The following RHOBTB3 variants were observed in gnomAD, a reference collection of about 807,000 sequenced individuals.
RHOBTB3 encodes Rho related BTB domain containing 3, also known as rho-related BTB domain-containing protein 3.
RHOBTB3 carries 47 observed loss-of-function variants against 67.2 expected under a neutral mutation model. The observed-to-expected ratio is 0.70, with a 90% CI of 0.55 to 0.89. The LOEUF is 0.89. RHOBTB3 is among the 40% of genes least tolerant of loss of function. The pLI, the probability that RHOBTB3 is intolerant of heterozygous loss-of-function variation, is 0.00. For missense variants in RHOBTB3, 631 were observed against 750.0 expected (o/e 0.84, Z 1.85); for synonymous variants, 273 against 274.2 (o/e 1.00, Z 0.04).
At chr5:95,735,090 C>T (rs1278677103) in intron 2 of RHOBTB3, among the ~76,000 whole-genome samples, 2 of 152,164 alleles carry the variant, frequency 1.3e-5, no homozygotes, top group Admixed American at 1.3e-4. Flanking sequence ...AACGCTGTAA[C>T]AGATGCAGTT....
At chr5:95,738,313 CAT>C (rs1755506865) in intron 3 of RHOBTB3, among the ~76,000 whole-genome samples, 1 of 152,066 alleles carries the variant, frequency 6.6e-6, no homozygotes, top group African/African-American at 2.4e-5. Context: ...TTCCTGAGTC[CAT>C]TTCCTATTCA....
intron 4 of RHOBTB3, among the ~76,000 whole-genome samples, chr5:95,749,895 C>T (rs1745039746): frequency 6.6e-5 from 10 of 152,200 alleles, no homozygotes; most frequent in Admixed American, 6.5e-4. Context: ...TCTCTCCTCT[C>T]TTTCTCTTCT....
chr5:95,774,091 ATGTC>A (rs1745798958), intron 8 of RHOBTB3, among the ~76,000 whole-genome samples: 1 of 152,202 alleles, frequency 6.6e-6, no homozygotes, highest in African/African-American at 2.4e-5. Context: ...CTTATAGAAA[ATGTC>A]TGTTTTGTTC....
At chr5:95,768,239 G>T (rs949362299) in intron 8 of RHOBTB3, 73 bp downstream of exon 8, 51 of 1,423,382 alleles carry the variant, frequency 3.6e-5, no homozygotes, top group South Asian at 2.0e-4. Flanking sequence ...TCTACTTCAG[G>T]TTTGAATGTT....
At chr5:95,770,751 G>A in intron 8 of RHOBTB3, 1 of 319,950 alleles carries the variant, frequency 3.1e-6, no homozygotes, top group South Asian at 3.2e-5. Context: ...GTGATAGGAA[G>A]CTCAAGGCAG....
chr5:95,753,269 T>C (rs201625699), intron 5 of RHOBTB3, among the ~76,000 whole-genome samples: 1 of 148,506 alleles, frequency 6.7e-6, no homozygotes. Context: ...GTGTGTGTCT[T>C]TCTGTCTCTC....
intron 9 of RHOBTB3, among the ~76,000 whole-genome samples, chr5:95,783,002 A>C (rs955597740): frequency 6.6e-6 from 1 of 151,830 alleles, no homozygotes; most frequent in Non-Finnish European, 1.5e-5. Context: ...TTTAAGGGCA[A>C]TTATAGAATC....
intron 6 of RHOBTB3, among the ~76,000 whole-genome samples, chr5:95,760,620 T>C (rs1745368932): frequency 6.6e-6 from 1 of 152,232 alleles, no homozygotes; most frequent in Non-Finnish European, 1.5e-5. Flanking sequence ...GAGTATACCA[T>C]GCGCTCTAAA....
intron 4 of RHOBTB3, among the ~76,000 whole-genome samples, chr5:95,750,321 CA>C (rs1403519385): frequency 6.6e-6 from 1 of 152,166 alleles, no homozygotes; most frequent in Non-Finnish European, 1.5e-5. Flanking sequence ...CCACAGGGCA[CA>C]AGTCAGTGGA....
chr5:95,793,003 T>G (rs1746460532), intron 11 of RHOBTB3, 56 bp from the exon 12 acceptor site: 1 of 1,190,110 alleles, frequency 8.4e-7, no homozygotes, highest in African/African-American at 1.5e-5. Context: ...AGCTGATATC[T>G]TAATTGATCC....
At chr5:95,771,763 G>T (rs1745721174) in intron 8 of RHOBTB3, among the ~76,000 whole-genome samples, 1 of 152,172 alleles carries the variant, frequency 6.6e-6, no homozygotes. Flanking sequence ...GCTTCTAGGA[G>T]AAAACTGTCT....
intron 10 of RHOBTB3, among the ~76,000 whole-genome samples, chr5:95,786,711 T>A (rs191718848): frequency 1.3e-5 from 2 of 152,238 alleles, no homozygotes; most frequent in African/African-American, 4.8e-5. Flanking sequence ...CTTGTGAGTT[T>A]ATGGGTATTT....
chr5:95,741,517 C>CT (rs1755597781), intron 3 of RHOBTB3, among the ~76,000 whole-genome samples: 4 of 96,240 alleles, frequency 4.2e-5, no homozygotes, highest in African/African-American at 7.5e-5. Context: ...TTTTTTCTTT[C>CT]TTTCTGTTTT....
chr5:95,779,863 G>C (rs571463770), intron 8 of RHOBTB3: 6 of 185,814 alleles, frequency 3.2e-5, no homozygotes, highest in African/African-American at 1.4e-4. Context: ...AGGCCCAGAA[G>C]GGTAATGGGG....
At position 95,731,336 on chromosome 5, in the gene RHOBTB3, A is replaced by T; in HGVS notation, c.-347A>T. On this transcript the variant is annotated 5_prime_UTR_variant, in exon 1 of 12. Transcript: ENST00000379982. ...GAGGAGGAGGAGCAGCGGCAGCGGC[A>T]GCAGGAGGCGACAGCTGCCAGCCGA... is the stretch of plus-strand genomic sequence containing the variant. 9.1e-7 allele frequency: 1 copy of T among 1,100,990 alleles called. No individual in the cohort carries two copies. Among genetic ancestry groups the T allele is most frequent in the Non-Finnish European group, 1.1e-6 (1 of 907,560 alleles). 68.2% of individuals were successfully genotyped at this position (1,100,990 alleles called of 1,614,324 possible). A position where few individuals can be genotyped will look rare whatever the true frequency, so the allele number is the denominator to read the frequency against.
At chr5:95,738,721 A>G (rs1755517812) in intron 3 of RHOBTB3, among the ~76,000 whole-genome samples, 1 of 152,146 alleles carries the variant, frequency 6.6e-6, no homozygotes, top group Admixed American at 6.5e-5. Flanking sequence ...TCTTTTCTTT[A>G]TAAATTACCC....
At chr5:95,765,425 A>G (rs1745514286) in intron 7 of RHOBTB3, among the ~76,000 whole-genome samples, 1 of 152,146 alleles carries the variant, frequency 6.6e-6, no homozygotes, top group Non-Finnish European at 1.5e-5. Flanking sequence ...CTGCACGGGG[A>G]GAAAGAAGAG....
intron 11 of RHOBTB3, among the ~76,000 whole-genome samples, chr5:95,790,709 C>T (rs1746357597): frequency 6.6e-6 from 1 of 152,108 alleles, no homozygotes; most frequent in African/African-American, 2.4e-5. Flanking sequence ...TGTCCAGGGT[C>T]CTGCTATGAG....
At chr5:95,762,366 A>G (rs1276492687) in intron 6 of RHOBTB3, among the ~76,000 whole-genome samples, 1 of 152,208 alleles carries the variant, frequency 6.6e-6, no homozygotes, top group Non-Finnish European at 1.5e-5. Flanking sequence ...GACTGGCTGC[A>G]ATTGCCTGAT....
Sources: allele counts gnomAD v4.1 joint callset (sites outside exome capture counted in the v4.1 genomes callset), GRCh38; gene constraint gnomAD v4.1.1; transcripts MANE v1.5; gene names NCBI Gene and HGNC (gene_info 2026-07-23, HGNC 2026-07-21).